PRTG: variants seen among roughly 807,000 people sequenced by gnomAD.
The protein encoded by PRTG is protogenin, also known as immunoglobulin superfamily, DCC subclass, member 5.
A neutral mutation model predicts 122.5 loss-of-function variants in PRTG; 67 were observed. That is an observed-to-expected ratio of 0.55 (90% CI 0.45 to 0.67). The LOEUF (loss-of-function observed/expected upper bound fraction) is 0.67. Among genes scored for constraint, PRTG ranks in the 30% least tolerant of loss-of-function variants. PRTG has a pLI of 0.00. For synonymous variants in PRTG, 554 were observed against 501.1 expected, an observed-to-expected ratio of 1.11 and a Z score of -1.41; for missense variants, 1,435 against 1,415.4, an observed-to-expected ratio of 1.01 and a Z score of -0.22.
chr15:55,715,767 AAG>A (rs1396344816), intron 2 of PRTG, among the ~76,000 whole-genome samples: 1 of 152,220 alleles, frequency 6.6e-6, no homozygotes, highest in Non-Finnish European at 1.5e-5. Flanking sequence ...AAGGCAGTAA[AAG>A]AAACTAAAAA....
rs561609180 is a variant in PRTG, at chr15:55,737,396, G to T, written c.397+2986C>A. Among the ~76,000 whole-genome samples, 14 of 152,298 alleles carry T rather than the reference G, an allele frequency of 9.2e-5. No individual in the cohort carries two copies. In the South Asian group the frequency reaches 2.7e-3, roughly 29 times the overall value. Reference sequence around the variant, plus strand: ...TAGATGAATTCTTTTGTGCTTGAATGAACAACAGGAAAGCAAAGCCTCCAG... The same window carrying T: ...TAGATGAATTCTTTTGTGCTTGAATTAACAACAGGAAAGCAAAGCCTCCAG... On this transcript the variant is annotated intron_variant, in intron 2 of 19. Transcript: ENST00000389286.
chr15:55,679,253 T>C (rs746169313), intron 7 of PRTG, 33 bp downstream of exon 7: 1 of 1,440,670 alleles, frequency 6.9e-7, no homozygotes, highest in Non-Finnish European at 9.7e-7. Flanking sequence ...CATTATATCA[T>C]ATATAAAATG....
At chr15:55,683,983 A>C in intron 2 of PRTG, 52 bp from the exon 3 acceptor site, 1 of 1,497,274 alleles carries the variant, frequency 6.7e-7, no homozygotes, top group African/African-American at 1.4e-5. Context: ...AATAACACTT[A>C]GAAGTAACAT....
At chr15:55,731,365 TC>T (rs1407940452) in intron 2 of PRTG, among the ~76,000 whole-genome samples, 56 of 137,248 alleles carry the variant, frequency 4.1e-4, no homozygotes, top group African/African-American at 1.6e-3. Flanking sequence ...ACCTTATCAT[TC>T]TTTTTTTTTT....
At chr15:55,740,827 T>C in intron 1 of PRTG, 143 bp from the exon 2 acceptor site, 1 of 689,164 alleles carries the variant, frequency 1.5e-6, no homozygotes, top group Non-Finnish European at 2.3e-6. Flanking sequence ...AACACCTTAA[T>C]GAACCAATCT....
intron 11 of PRTG, among the ~76,000 whole-genome samples, chr15:55,668,830 G>A (rs2059452318): frequency 6.6e-6 from 1 of 152,058 alleles, no homozygotes; most frequent in Non-Finnish European, 1.5e-5. Flanking sequence ...TGTACATCTA[G>A]GGACTGAGCT....
chr15:55,633,261 G>C (rs1004585934), intron 15 of PRTG, among the ~76,000 whole-genome samples: 1 of 151,936 alleles, frequency 6.6e-6, no homozygotes, highest in Non-Finnish European at 1.5e-5. Flanking sequence ...TTAATACTGA[G>C]TGCAGTGGCA....
At chr15:55,704,969 A>C (rs2030043265) in intron 2 of PRTG, among the ~76,000 whole-genome samples, 1 of 152,236 alleles carries the variant, frequency 6.6e-6, no homozygotes, top group Non-Finnish European at 1.5e-5. Flanking sequence ...ATTAGGCTTG[A>C]CAACACAGCC....
chr15:55,682,345 A>G lies in PRTG; in HGVS notation c.676+19T>C. On this transcript the variant is annotated intron_variant, in intron 4 of 19. Coordinates refer to ENST00000389286, the MANE Select transcript of PRTG (RefSeq NM_173814.6). ...CCAATAAAACGTCATAAAAATGGAA[A>G]AACCACTCTGCGTGGTACCTGGAAT... 6.5e-7 allele frequency: 1 copy of G among 1,550,160 alleles called. No homozygotes were observed. The highest frequency in any genetic ancestry group is 8.7e-7 in the Non-Finnish European group (1 of 1,144,832).
intron 15 of PRTG, among the ~76,000 whole-genome samples, chr15:55,634,686 C>CA (rs2059246514): frequency 6.6e-6 from 1 of 151,590 alleles, no homozygotes; most frequent in South Asian, 2.1e-4. Flanking sequence ...TACTAAAATA[C>CA]AAAAAATTAG....
intron 2 of PRTG, among the ~76,000 whole-genome samples, chr15:55,718,357 C>G (rs2030678755): frequency 6.6e-6 from 1 of 152,076 alleles, no homozygotes; most frequent in South Asian, 2.1e-4. Context: ...CCCAATGAAA[C>G]TCATCCCAAA....
chr15:55,693,704 G>A (rs2044077884), intron 2 of PRTG, among the ~76,000 whole-genome samples: 1 of 151,908 alleles, frequency 6.6e-6, no homozygotes, highest in South Asian at 2.1e-4. Flanking sequence ...CAGTAAAAGG[G>A]GATATTAAAA....
At chr15:55,730,397 TG>T (rs1321770240) in intron 2 of PRTG, among the ~76,000 whole-genome samples, 3 of 151,286 alleles carry the variant, frequency 2.0e-5, no homozygotes, top group African/African-American at 7.3e-5. Context: ...CCACAGCACC[TG>T]GCCGTTACCA....
chr15:55,700,193 A>G (rs1018052238), intron 2 of PRTG, among the ~76,000 whole-genome samples: 3 of 152,202 alleles, frequency 2.0e-5, no homozygotes, highest in Non-Finnish European at 4.4e-5. Context: ...TGCAAAAGGA[A>G]TTCAATAGAG....
At chr15:55,707,605 T>C (rs2030184112) in intron 2 of PRTG, among the ~76,000 whole-genome samples, 1 of 152,214 alleles carries the variant, frequency 6.6e-6, no homozygotes, top group African/African-American at 2.4e-5. Flanking sequence ...AAATCCTCCA[T>C]AATGCGATCA....
intron 7 of PRTG, among the ~76,000 whole-genome samples, chr15:55,678,388 T>G (rs1192182627): frequency 1.3e-5 from 2 of 152,128 alleles, no homozygotes; most frequent in Non-Finnish European, 2.9e-5. Context: ...TAGCCGGGAC[T>G]CCAGGCATGT....
At chr15:55,667,601 G>T (rs985550475) in intron 11 of PRTG, among the ~76,000 whole-genome samples, 3 of 152,046 alleles carry the variant, frequency 2.0e-5, no homozygotes, top group East Asian at 3.9e-4. Flanking sequence ...ACAAAAGAAA[G>T]GGTAACTTAA....
At chr15:55,681,981 A>G (rs2059541099) in intron 4 of PRTG, among the ~76,000 whole-genome samples, 2 of 152,184 alleles carry the variant, frequency 1.3e-5, no homozygotes, top group African/African-American at 2.4e-5. Flanking sequence ...TGATTTACAT[A>G]GAATTTACAT....
At position 55,673,646 on chromosome 15, in the gene PRTG, G is replaced by T. The variant is rs2059486369; in HGVS notation, c.1577C>A (p.Thr526Lys). 18 of 1,613,990 alleles carry T rather than the reference G, an allele frequency of 1.1e-5. No individual in the cohort carries two copies. The highest frequency in any genetic ancestry group is 1.4e-5 in the Non-Finnish European group (16 of 1,179,884). ...GAGAATATCAGTGGGACTTCGACTT[G>T]TCAAACTAATTTCAGGAGGTCTCAG... ...VPLRPPEISL[T>K]SRSPTDILIS... Residue 526 changes from threonine to lysine, a missense_variant, in exon 10 of 20, where the codon ACA (threonine) becomes AAA (lysine). By Grantham distance (78) the Thr-to-Lys change is moderately conservative (BLOSUM62 -1). Transcript: ENST00000389286.
Sources: gnomAD v4.1 joint callset for allele counts (sites outside exome capture counted in the v4.1 genomes callset) on GRCh38, gnomAD v4.1.1 for gene constraint, MANE v1.5 for transcripts, NCBI Gene and HGNC (gene_info 2026-07-23, HGNC 2026-07-21) for gene names.